The following MID1 variants were observed in gnomAD, a reference collection of about 807,000 sequenced individuals.
MID1 encodes the protein midline 1.
A neutral mutation model predicts 40.4 loss-of-function variants in MID1; 7 were observed. The observed-to-expected ratio is 0.17, with a 90% CI of 0.10 to 0.33. The LOEUF (loss-of-function observed/expected upper bound fraction) is 0.33. Among genes scored for constraint, MID1 ranks in the 10% least tolerant of loss-of-function variants. The pLI is 1.00. For missense variants in MID1, 367 were observed against 558.5 expected, an observed-to-expected ratio of 0.66 and a Z score of 3.46; for synonymous variants, 229 against 221.2, an observed-to-expected ratio of 1.04 and a Z score of -0.31.
chrX:10,603,016 C>G (rs1278805431), intron 1 of MID1, among the ~76,000 whole-genome samples: 1 of 112,053 alleles, frequency 8.9e-6, no homozygotes, highest in African/African-American at 3.2e-5. Flanking sequence ...ATTTTCCAGA[C>G]TTTTAGTATT....
chrX:10,811,413 T>C (rs1002944625), intron 1 of MID1, among the ~76,000 whole-genome samples: 1 of 112,347 alleles, frequency 8.9e-6, no homozygotes, highest in Non-Finnish European at 1.9e-5. Context: ...TTAATTCCTG[T>C]TTTACGGATG....
chrX:10,686,067 G>C (rs2043095392), intron 1 of MID1, among the ~76,000 whole-genome samples: 1 of 111,740 alleles, frequency 8.9e-6, no homozygotes, highest in Non-Finnish European at 1.9e-5. Context: ...AGTTTCATGA[G>C]AATGTGAGCC....
At position 10,532,771 on chromosome X, in the gene MID1, G is replaced by GT. The variant is rs55826454; in HGVS notation, c.661-9585dup. ...TTGTGTGGCTTGTTAGCTAAGAATG[G>GT]TTTTTTTTTTTTTGAGACAGAGTTT... On this transcript the variant is annotated intron_variant, in intron 2 of 9. Transcript: ENST00000317552. 8.3e-3 allele frequency among the ~76,000 whole-genome samples: 845 copies of GT among 101,621 alleles called. 4 individuals carry two copies. Among genetic ancestry groups the GT allele is most frequent in the African/African-American group, 0.015 (410 of 28,139 alleles). 88.2% of individuals were successfully genotyped at this position (101,621 alleles called of 115,157 possible). A position where few individuals can be genotyped will look rare whatever the true frequency, so the allele number is the denominator to read the frequency against.
intron 1 of MID1, among the ~76,000 whole-genome samples, chrX:10,664,398 G>C (rs1426220354): frequency 1.8e-5 from 2 of 111,617 alleles, no homozygotes; most frequent in African/African-American, 6.5e-5. Context: ...TCAAACTCCT[G>C]ACCTCAAATG....
intron 4 of MID1, among the ~76,000 whole-genome samples, chrX:10,493,452 A>G (rs914697756): frequency 8.9e-6 from 1 of 112,507 alleles, no homozygotes; most frequent in Non-Finnish European, 1.9e-5. Context: ...GCACACTGAG[A>G]TAATAAATCT....
rs183545544 is a variant in MID1, at chrX:10,801,510, C to G, written c.-187+32044G>C. 3.9e-3 allele frequency among the ~76,000 whole-genome samples: 437 copies of G among 111,743 alleles called. 1 individual carries two copies. The highest frequency in any genetic ancestry group is 0.014 in the Middle Eastern group (3 of 217). On this transcript the variant is annotated intron_variant, in intron 1 of 10. Transcript: ENST00000380785. ...GAATTCTGGTCAATTCACTTACTCA[C>G]CAGGTAGCCTTAACCTTCCTGACTC... is the stretch of plus-strand genomic sequence containing the variant.
chrX:10,523,233 C>G, intron 2 of MID1, 46 bp from the exon 3 acceptor site: 3 of 921,911 alleles, frequency 3.3e-6, no homozygotes, highest in Non-Finnish European at 4.6e-6. Context: ...ATTCTGCATA[C>G]TTTTATACTT....
Position 10,523,076 on chromosome X carries a change from A to G in MID1, c.756+16T>C, listed in dbSNP as rs1569083622. ...TTCATATGAAACATACCATACAGAA[A>G]TACAGAGATACTCACTTCAACATGT... On this transcript the variant is annotated intron_variant, in intron 3 of 9. Transcript: ENST00000317552. The G allele has an allele frequency of 8.8e-7, 1 of 1,133,135 alleles. No homozygotes were observed. The highest frequency in any genetic ancestry group is 2.2e-5 in the Admixed American group (1 of 45,888). 93.4% of individuals were successfully genotyped at this position (1,133,135 alleles called of 1,213,427 possible).
intron 1 of MID1, among the ~76,000 whole-genome samples, chrX:10,583,285 A>G (rs1008608834): frequency 1.2e-4 from 14 of 112,662 alleles, no homozygotes; most frequent in Non-Finnish European, 2.2e-4. Flanking sequence ...GAAAGAAATA[A>G]AAAGGATGAC....
intron 9 of MID1, among the ~76,000 whole-genome samples, chrX:10,451,027 C>T (rs776398348): frequency 7.2e-5 from 8 of 111,827 alleles, no homozygotes; most frequent in Non-Finnish European, 1.5e-4. Context: ...TCACACTGGA[C>T]TTAAAATACA....
In MID1 at chrX:10,474,663, G is replaced by A. The variant is rs372570608; in HGVS notation, c.1101C>T (p.Ser367=). Residue 367 remains serine (S), a synonymous_variant, in exon 6 of 10, where the codon TCC becomes TCT. Transcript: ENST00000317552. ...DTFDTFALDF[S]REKKLLECLD... is the part of the protein sequence containing the mutation. ...GACATTCTAGCAGTTTCTTCTCTCG[G>A]GAAAAATCTAAGGCAAAGGTGTCAA... The A allele has an allele frequency of 1.0e-4, 126 of 1,207,543 alleles. No individual in the cohort carries two copies. Among genetic ancestry groups the A allele is most frequent in the Non-Finnish European group, 1.2e-4 (109 of 893,348 alleles).
chrX:10,579,793 C>G (rs1377887458), intron 1 of MID1, among the ~76,000 whole-genome samples: 1 of 94,965 alleles, frequency 1.1e-5, no homozygotes, highest in Non-Finnish European at 2.1e-5. Context: ...GGGAAGAAGT[C>G]TTTTTTTTTT....
rs187945543 is a variant in MID1 at position 10,495,486 on chromosome X, A to G, written c.864+98T>C. The G allele has an allele frequency of 6.8e-3, 4,505 of 666,518 alleles. 11 individuals carry two copies. Among genetic ancestry groups the G allele is most frequent in the Non-Finnish European group, 9.6e-3 (4,023 of 417,079 alleles). 54.9% of individuals were successfully genotyped at this position (666,518 alleles called of 1,213,427 possible). On this transcript the variant is annotated intron_variant, in intron 4 of 9. Transcript: ENST00000317552. ...TAAGAGGGAATTATAGAATGTATAG[A>G]AAAAGAGGGTTCTCAACATTTCCAA...
intron 1 of MID1, among the ~76,000 whole-genome samples, chrX:10,709,923 T>C (rs894402974): frequency 9.0e-6 from 1 of 111,722 alleles, no homozygotes; most frequent in Non-Finnish European, 1.9e-5. Flanking sequence ...AGAGGGAGTG[T>C]GTGTAGGATG....
chrX:10,533,093 A>AT (rs376228302), intron 2 of MID1, among the ~76,000 whole-genome samples: 3 of 109,461 alleles, frequency 2.7e-5, no homozygotes, highest in African/African-American at 6.6e-5. Context: ...TTTTTAAATA[A>AT]TTTTTTTTAA....
rs753723306 is a variant in MID1, at chrX:10,691,306, G to A, written c.-186-70887C>T. ...TAATCCCAGCACTTTGGGAGGCCAA[G>A]GCGGGCAGATCACCTGAGGTCAGGA... On this transcript the variant is annotated intron_variant, in intron 1 of 10. Coordinates refer to the MID1 transcript ENST00000380785. Among the ~76,000 whole-genome samples the A allele has an allele frequency of 7.1e-5, 8 of 111,961 alleles. No homozygotes were observed. In the South Asian group the frequency reaches 3.1e-3, roughly 43 times the overall value.
At chrX:10,602,163 C>T (rs1301690499) in intron 1 of MID1, among the ~76,000 whole-genome samples, 1 of 106,655 alleles carries the variant, frequency 9.4e-6, no homozygotes, top group Non-Finnish European at 1.9e-5. Context: ...TCCCAAAGTG[C>T]GGAATTGGAG....
intron 1 of MID1, among the ~76,000 whole-genome samples, chrX:10,805,427 T>C (rs1185555356): frequency 1.8e-5 from 2 of 108,127 alleles, no homozygotes; most frequent in Non-Finnish European, 3.8e-5. Flanking sequence ...TGCATAGTAT[T>C]CCATGGTGTA....
chrX:10,731,790 T>A (rs1451111479), intron 1 of MID1, among the ~76,000 whole-genome samples: 1 of 108,347 alleles, frequency 9.2e-6, no homozygotes. Context: ...GAAAACACCG[T>A]CTCTATTAAA....
Sources: gnomAD v4.1 joint callset for allele counts (sites outside exome capture counted in the v4.1 genomes callset) on GRCh38, gnomAD v4.1.1 for gene constraint, MANE v1.5 for transcripts, NCBI Gene and HGNC (gene_info 2026-07-23, HGNC 2026-07-21) for gene names.